The following LHFPL6 variants were observed in gnomAD, a reference collection of about 807,000 sequenced individuals.
LHFPL6 encodes LHFPL tetraspan subfamily member 6.
In LHFPL6, 9 loss-of-function variants were observed where a neutral mutation model predicts 20.6. That is an observed-to-expected ratio of 0.44 (90% CI 0.26 to 0.76). LHFPL6 has a LOEUF of 0.76. Among genes scored for constraint, LHFPL6 ranks in the 30% least tolerant of loss-of-function variants. LHFPL6 has a pLI of 0.20. For synonymous variants in LHFPL6, 105 were observed against 98.7 expected, an observed-to-expected ratio of 1.06 and a Z score of -0.38; for missense variants, 218 against 253.5, an observed-to-expected ratio of 0.86 and a Z score of 0.95.
intron 2 of LHFPL6, among the ~76,000 whole-genome samples, chr13:39,399,207 G>T (rs1446865450): frequency 1.3e-5 from 2 of 152,162 alleles, no homozygotes; most frequent in Admixed American, 6.5e-5. Flanking sequence ...GGTTTATTCT[G>T]CTGGCTTCTA....
At chr13:39,559,841 T>A (rs1183654450) in intron 2 of LHFPL6, among the ~76,000 whole-genome samples, 1 of 152,248 alleles carries the variant, frequency 6.6e-6, no homozygotes, top group Non-Finnish European at 1.5e-5. Flanking sequence ...ATTAAATCCT[T>A]GGGGAGTACT....
At chr13:39,368,322 G>A (rs997481726) in intron 3 of LHFPL6, among the ~76,000 whole-genome samples, 5 of 150,790 alleles carry the variant, frequency 3.3e-5, no homozygotes, top group Non-Finnish European at 7.4e-5. Context: ...GGTGGCTCAC[G>A]CCTGTAACCT....
intron 2 of LHFPL6, among the ~76,000 whole-genome samples, chr13:39,515,787 G>A (rs1869891829): frequency 6.6e-6 from 1 of 152,014 alleles, no homozygotes; most frequent in African/African-American, 2.4e-5. Flanking sequence ...CAAATTACAG[G>A]AATTGCTTAA....
intron 2 of LHFPL6, among the ~76,000 whole-genome samples, chr13:39,483,334 C>G (rs984586535): frequency 6.6e-6 from 1 of 152,142 alleles, no homozygotes; most frequent in African/African-American, 2.4e-5. Context: ...GGAGCAAGGA[C>G]TTGAGAAACT....
intron 2 of LHFPL6, among the ~76,000 whole-genome samples, chr13:39,575,463 T>C (rs911281791): frequency 4.6e-5 from 7 of 152,180 alleles, no homozygotes; most frequent in African/African-American, 1.7e-4. Context: ...AATCCACAAA[T>C]AGTCATAAGA....
chr13:39,497,323 T>C (rs1869135438), intron 2 of LHFPL6, among the ~76,000 whole-genome samples: 1 of 152,122 alleles, frequency 6.6e-6, no homozygotes, highest in African/African-American at 2.4e-5. Context: ...GAGAGAGGCA[T>C]GAAAGAGCTG....
intron 2 of LHFPL6, among the ~76,000 whole-genome samples, chr13:39,513,604 T>C (rs1490570604): frequency 6.6e-6 from 1 of 152,216 alleles, no homozygotes; most frequent in Non-Finnish European, 1.5e-5. Context: ...CTGCATTTTA[T>C]TGAGTACCTA....
intron 2 of LHFPL6, among the ~76,000 whole-genome samples, chr13:39,588,883 A>G (rs1050890742): frequency 3.3e-5 from 5 of 152,244 alleles, no homozygotes; most frequent in Non-Finnish European, 1.5e-5. Flanking sequence ...CCCTATTTGA[A>G]GAGATAAGAA....
intron 2 of LHFPL6, among the ~76,000 whole-genome samples, chr13:39,520,098 G>C (rs1477820777): frequency 5.9e-5 from 9 of 152,260 alleles, no homozygotes; most frequent in Non-Finnish European, 1.3e-4. Context: ...CCAGCAGCCT[G>C]GTCTTCAGAA....
At chr13:39,479,158 T>TATCTATCTGTATATATACA (rs1868417967) in intron 2 of LHFPL6, among the ~76,000 whole-genome samples, 1 of 152,070 alleles carries the variant, frequency 6.6e-6, no homozygotes, top group East Asian at 1.9e-4. Context: ...TCTATCTATC[T>TATCTATCTGTATATATACA]GTATATATAC....
At chr13:39,480,204 A>G (rs1302215483) in intron 2 of LHFPL6, among the ~76,000 whole-genome samples, 2 of 152,196 alleles carry the variant, frequency 1.3e-5, no homozygotes, top group Admixed American at 1.3e-4. Flanking sequence ...GAAGAAAACA[A>G]TCTGAACCTA....
chr13:39,516,113 T>C (rs1037703830), intron 2 of LHFPL6, among the ~76,000 whole-genome samples: 7 of 152,206 alleles, frequency 4.6e-5, no homozygotes, highest in Non-Finnish European at 7.3e-5. Flanking sequence ...CTGATCCTTC[T>C]GGAATAGTCT....
intron 2 of LHFPL6, among the ~76,000 whole-genome samples, chr13:39,573,370 T>C (rs971657724): frequency 2.6e-5 from 4 of 152,188 alleles, no homozygotes; most frequent in Admixed American, 2.6e-4. Context: ...TGTATGTTTT[T>C]AAAAAGAACC....
chr13:39,492,772 C>T (rs1193499269), intron 2 of LHFPL6, among the ~76,000 whole-genome samples: 1 of 152,066 alleles, frequency 6.6e-6, no homozygotes, highest in Non-Finnish European at 1.5e-5. Context: ...CCTCTGCCTC[C>T]TGGGTTCAAG....
chr13:39,412,421 C>G (rs954442595), intron 2 of LHFPL6, among the ~76,000 whole-genome samples: 1 of 152,022 alleles, frequency 6.6e-6, no homozygotes, highest in Admixed American at 6.5e-5. Flanking sequence ...TTTTCTTTTT[C>G]TCATTCAGGA....
At chr13:39,389,252 G>A (rs1870645549) in intron 2 of LHFPL6, among the ~76,000 whole-genome samples, 1 of 152,176 alleles carries the variant, frequency 6.6e-6, no homozygotes, top group South Asian at 2.1e-4. Flanking sequence ...GGGGCTGACT[G>A]GGTGGGGAAC....
intron 2 of LHFPL6, among the ~76,000 whole-genome samples, chr13:39,590,182 C>T (rs1593376354): frequency 1.3e-5 from 2 of 152,232 alleles, no homozygotes; most frequent in East Asian, 1.9e-4. Context: ...AATTAATCAC[C>T]TGCTTCACTG....
At chr13:39,426,191 C>T (rs1212300015) in intron 2 of LHFPL6, among the ~76,000 whole-genome samples, 10 of 151,794 alleles carry the variant, frequency 6.6e-5, no homozygotes, top group Admixed American at 6.6e-4. Context: ...TCCTGGTAAG[C>T]TCTAATTTAC....
chr13:39,590,784 T>C (rs1478488193), intron 2 of LHFPL6, among the ~76,000 whole-genome samples: 2 of 152,212 alleles, frequency 1.3e-5, no homozygotes, highest in African/African-American at 4.8e-5. Context: ...ATGGAAATGT[T>C]TATGAATTTA....
Sources: allele counts gnomAD v4.1 joint callset (sites outside exome capture counted in the v4.1 genomes callset), GRCh38; gene constraint gnomAD v4.1.1; transcripts MANE v1.5; gene names NCBI Gene and HGNC (gene_info 2026-07-23, HGNC 2026-07-21).